The following ABCC4 variants were observed in gnomAD, a reference collection of about 807,000 sequenced individuals.
ABCC4 encodes ATP binding cassette subfamily C member 4 (PEL blood group).
A neutral mutation model predicts 168.5 loss-of-function variants in ABCC4; 102 were observed. The observed-to-expected ratio is 0.61, with a 90% CI of 0.52 to 0.71. The LOEUF (loss-of-function observed/expected upper bound fraction) is 0.71. Among genes scored for constraint, ABCC4 ranks in the 30% least tolerant of loss-of-function variants. The pLI is 0.00. For synonymous variants in ABCC4, 617 were observed against 590.7 expected (o/e 1.04, Z -0.65); for missense variants, 1,402 against 1,605.8 (o/e 0.87, Z 2.17).
intron 19 of ABCC4, among the ~76,000 whole-genome samples, chr13:95,129,156 C>T (rs2035878614): frequency 6.6e-6 from 1 of 152,124 alleles, no homozygotes; most frequent in African/African-American, 2.4e-5. Context: ...ATTGCATTTA[C>T]CTCTCTTTAA....
chr13:95,262,777 C>T (rs9524871), intron 1 of ABCC4, among the ~76,000 whole-genome samples: 9,440 of 151,992 alleles, frequency 0.062, 431 homozygotes, highest in Non-Finnish European at 0.098. Context: ...GGATTACAGG[C>T]ACACGCCACC....
intron 4 of ABCC4, among the ~76,000 whole-genome samples, chr13:95,214,003 C>T (rs2039038974): frequency 6.6e-6 from 1 of 151,956 alleles, no homozygotes; most frequent in South Asian, 2.1e-4. Context: ...TAAACAACAA[C>T]TATGAAGCAC....
At chr13:95,049,562 AC>A (rs2032739552) in intron 27 of ABCC4, among the ~76,000 whole-genome samples, 1 of 151,878 alleles carries the variant, frequency 6.6e-6, no homozygotes, top group Non-Finnish European at 1.5e-5. Flanking sequence ...AATCGCTTGG[AC>A]CCGGGAGGCG....
intron 1 of ABCC4, chr13:95,269,536 G>A (rs2040787289): frequency 6.4e-6 from 1 of 157,322 alleles, no homozygotes; most frequent in Non-Finnish European, 1.4e-5. Context: ...CTTTCTGAGG[G>A]AAGGGAGGAG....
intron 20 of ABCC4, among the ~76,000 whole-genome samples, chr13:95,109,397 C>A (rs890327895): frequency 1.7e-4 from 26 of 151,820 alleles, no homozygotes; most frequent in African/African-American, 6.3e-4. Context: ...TGCAAACACA[C>A]ACACACACAC....
intron 8 of ABCC4, among the ~76,000 whole-genome samples, chr13:95,197,529 T>A (rs1394922026): frequency 6.6e-6 from 1 of 152,174 alleles, no homozygotes; most frequent in South Asian, 2.1e-4. Flanking sequence ...CATGAACGGC[T>A]TGTAAAGATG....
At chr13:95,097,762 TAAA>T (rs34194621) in intron 20 of ABCC4, among the ~76,000 whole-genome samples, 4 of 148,386 alleles carry the variant, frequency 2.7e-5, no homozygotes, top group Non-Finnish European at 4.5e-5. Context: ...TAAGGTTTTT[TAAA>T]AAAAAAAAAT....
At chr13:95,165,847 T>C (rs1171959023) in intron 15 of ABCC4, among the ~76,000 whole-genome samples, 2 of 152,104 alleles carry the variant, frequency 1.3e-5, no homozygotes, top group Non-Finnish European at 2.9e-5. Context: ...CCAGACTAAG[T>C]AGGATTTCAC....
intron 20 of ABCC4, among the ~76,000 whole-genome samples, chr13:95,090,818 T>C (rs2034407681): frequency 6.6e-6 from 1 of 152,142 alleles, no homozygotes; most frequent in Non-Finnish European, 1.5e-5. Flanking sequence ...AGGAGGTTAG[T>C]TATTAAGCTA....
At chr13:95,025,233 CCATA>C (rs1566350912) in intron 30 of ABCC4, among the ~76,000 whole-genome samples, 13 of 29,448 alleles carry the variant, frequency 4.4e-4, no homozygotes, top group Non-Finnish European at 7.5e-4. Flanking sequence ...CCACACACAC[CCATA>C]CACACACACC....
At chr13:95,299,565 A>G (rs757015902) in intron 1 of ABCC4, among the ~76,000 whole-genome samples, 2 of 150,388 alleles carry the variant, frequency 1.3e-5, no homozygotes, top group African/African-American at 4.9e-5. Flanking sequence ...TTTTTTTGCG[A>G]TTTTTTTTTA....
chr13:95,279,004 A>T (rs1275308481), intron 1 of ABCC4, among the ~76,000 whole-genome samples: 2 of 151,994 alleles, frequency 1.3e-5, no homozygotes, highest in Non-Finnish European at 2.9e-5. Flanking sequence ...TAACAACACA[A>T]AAAAACGTGA....
At chr13:95,048,564 C>T (rs963063542) in intron 27 of ABCC4, among the ~76,000 whole-genome samples, 2 of 152,152 alleles carry the variant, frequency 1.3e-5, no homozygotes, top group Non-Finnish European at 1.5e-5. Flanking sequence ...ACGAAGCGAG[C>T]GGAAGCCCAT....
chr13:95,059,627 C>T (rs1011162376), intron 26 of ABCC4, among the ~76,000 whole-genome samples: 1 of 130,566 alleles, frequency 7.7e-6, no homozygotes, highest in African/African-American at 2.8e-5. Context: ...CTCTCTTAGG[C>T]TTTTATTGTG....
chr13:95,045,458 C>A (rs887488748), intron 27 of ABCC4, among the ~76,000 whole-genome samples: 1 of 151,956 alleles, frequency 6.6e-6, no homozygotes, highest in Admixed American at 6.6e-5. Context: ...AGTTTAAGCC[C>A]CTATGGCTAT....
At chr13:95,293,754 C>T (rs905904425) in intron 1 of ABCC4, among the ~76,000 whole-genome samples, 1 of 149,674 alleles carries the variant, frequency 6.7e-6, no homozygotes, top group South Asian at 2.1e-4. Flanking sequence ...CATAAGCCAC[C>T]GCACCCAGCC....
intron 26 of ABCC4, among the ~76,000 whole-genome samples, chr13:95,057,978 A>G (rs1594023235): frequency 6.6e-6 from 1 of 151,842 alleles, no homozygotes. Flanking sequence ...AGCCTTCTCC[A>G]CCCTCTGCAG....
At chr13:95,101,800 C>T (rs774850613) in intron 20 of ABCC4, among the ~76,000 whole-genome samples, 21 of 152,204 alleles carry the variant, frequency 1.4e-4, no homozygotes, top group Non-Finnish European at 2.6e-4. Flanking sequence ...AATACAAACT[C>T]ATGTCCTAAT....
At position 95,058,891 on chromosome 13, in the gene ABCC4, T is replaced by C. The variant is rs375875547; in HGVS notation, c.3366+3813A>G. 4.6e-5 allele frequency among the ~76,000 whole-genome samples: 7 copies of C among 152,194 alleles called. No homozygotes were observed. In the East Asian group the frequency reaches 1.4e-3, roughly 29 times the overall value. On this transcript the variant is annotated intron_variant, in intron 26 of 30. Transcript: ENST00000645237. ...AGCCCGGCCAAGCAGGGCAGCACAG[T>C]GAGGCACGCTGTTCTTCAAATGGCA...
Sources: allele counts gnomAD v4.1 joint callset (sites outside exome capture counted in the v4.1 genomes callset), GRCh38; gene constraint gnomAD v4.1.1; transcripts MANE v1.5; gene names NCBI Gene and HGNC (gene_info 2026-07-23, HGNC 2026-07-21).